Variants in ZNG1C observed in about 807,000 individuals in gnomAD.
ZNG1C encodes the protein Zn regulated GTPase metalloprotein activator 1C.
the ZNG1C span, among the ~76,000 whole-genome samples, chr9:68,268,684 A>C: frequency 1.3e-5 from 2 of 152,268 alleles, no homozygotes; most frequent in Non-Finnish European, 2.9e-5. Flanking sequence ...CCTTAATCTG[A>C]CAGTTGTGTG....
chr9:68,290,219 G>T, the ZNG1C span, among the ~76,000 whole-genome samples: 3 of 145,862 alleles, frequency 2.1e-5, no homozygotes, highest in Non-Finnish European at 4.5e-5. Context: ...GGAGTTTATT[G>T]TACCCCTTAA....
the ZNG1C span, among the ~76,000 whole-genome samples, chr9:68,265,018 G>T: frequency 1.9e-5 from 2 of 103,052 alleles, no homozygotes; most frequent in African/African-American, 3.8e-5. Flanking sequence ...ACCATGCCCA[G>T]CTAATTTTTG....
the ZNG1C span, among the ~76,000 whole-genome samples, chr9:68,287,475 A>AAGG: frequency 6.6e-6 from 1 of 152,372 alleles, no homozygotes; most frequent in Non-Finnish European, 1.5e-5. Context: ...TGCATCACCC[A>AAGG]GTTTAAATGG....
At chr9:68,291,006 A>G in the ZNG1C span, among the ~76,000 whole-genome samples, 2 of 147,822 alleles carry the variant, frequency 1.4e-5, no homozygotes, top group African/African-American at 5.2e-5. Context: ...TACACTGTTC[A>G]GTACAGTAAC....
the ZNG1C span, chr9:68,247,563 T>C: frequency 1.0e-6 from 1 of 978,694 alleles, no homozygotes; most frequent in South Asian, 1.7e-5. Context: ...CTTTGTTTTT[T>C]GTTGGCTAAT....
the ZNG1C span, among the ~76,000 whole-genome samples, chr9:68,266,744 C>G: frequency 6.7e-6 from 1 of 149,120 alleles, no homozygotes. Flanking sequence ...TCTATAGAGC[C>G]TATTCTGTCT....
chr9:68,280,299 C>T, the ZNG1C span, among the ~76,000 whole-genome samples: 4 of 148,828 alleles, frequency 2.7e-5, no homozygotes, highest in African/African-American at 5.0e-5. Context: ...AAGCCTTCTT[C>T]TCTCAGCTCG....
the ZNG1C span, among the ~76,000 whole-genome samples, chr9:68,296,491 T>C: frequency 1.3e-5 from 2 of 152,260 alleles, no homozygotes; most frequent in Non-Finnish European, 1.5e-5. Context: ...CTGCCTAAAT[T>C]GGTCTTTAAT....
the ZNG1C span, chr9:68,247,469 C>A: frequency 1.3e-6 from 2 of 1,535,498 alleles, no homozygotes; most frequent in African/African-American, 1.4e-5. Flanking sequence ...ATTTAGGTAT[C>A]AAGGCTGCAT....
chr9:68,293,946 C>T, the ZNG1C span, among the ~76,000 whole-genome samples: 1 of 146,864 alleles, frequency 6.8e-6, no homozygotes, highest in Non-Finnish European at 1.5e-5. Flanking sequence ...CAAAATGAGC[C>T]TCAATAAATT....
the ZNG1C span, among the ~76,000 whole-genome samples, chr9:68,290,833 C>T: frequency 3.7e-5 from 5 of 135,778 alleles, no homozygotes; most frequent in African/African-American, 1.1e-4. Flanking sequence ...TTATTATTAC[C>T]TTATGCTATA....
the ZNG1C span, among the ~76,000 whole-genome samples, chr9:68,287,601 A>G: frequency 7.0e-3 from 1,059 of 151,654 alleles, no homozygotes; most frequent in African/African-American, 0.022. Context: ...TAAGAGTAGA[A>G]TAGTATAATG....
chr9:68,296,532 A>T, the ZNG1C span, among the ~76,000 whole-genome samples: 4 of 152,410 alleles, frequency 2.6e-5, no homozygotes, highest in East Asian at 3.8e-4. Flanking sequence ...TTTGGATTAT[A>T]AAATAGTTTT....
At chr9:68,248,744 T>G in the ZNG1C span, 5 of 201,088 alleles carry the variant, frequency 2.5e-5, no homozygotes, top group Admixed American at 4.8e-4. Context: ...TTAAAGTGTT[T>G]ATAATAATCA....
the ZNG1C span, among the ~76,000 whole-genome samples, chr9:68,279,650 G>A: frequency 8.7e-6 from 1 of 114,632 alleles, no homozygotes; most frequent in East Asian, 2.1e-4. Flanking sequence ...CTCTCTTCTG[G>A]CTTGTAGAGT....
At chr9:68,296,676 C>A in the ZNG1C span, among the ~76,000 whole-genome samples, 4 of 151,852 alleles carry the variant, frequency 2.6e-5, no homozygotes, top group East Asian at 7.7e-4. Context: ...TTTTTAAATT[C>A]ATTTTGAGCT....
chr9:68,269,548 C>CTTTTTTT, the ZNG1C span: 1 of 57,052 alleles, frequency 1.8e-5, no homozygotes, highest in Non-Finnish European at 2.1e-5. Flanking sequence ...TTATTAAGCT[C>CTTTTTTT]ATTTTTTTTT....
the ZNG1C span, among the ~76,000 whole-genome samples, chr9:68,255,977 A>C: frequency 6.6e-6 from 1 of 152,020 alleles, no homozygotes; most frequent in South Asian, 2.1e-4. Context: ...TTGGGAAAAA[A>C]ATCAATAGGT....
At chr9:68,267,139 A>C in the ZNG1C span, among the ~76,000 whole-genome samples, 1 of 152,260 alleles carries the variant, frequency 6.6e-6, no homozygotes, top group Non-Finnish European at 1.5e-5. Context: ...CAATGCTTTG[A>C]GCGTGATGGC....
Sources: allele counts gnomAD v4.1 joint callset (sites outside exome capture counted in the v4.1 genomes callset), GRCh38; gene constraint gnomAD v4.1.1; transcripts MANE v1.5; gene names NCBI Gene and HGNC (gene_info 2026-07-23, HGNC 2026-07-21).